The following LAMA2 variants were observed in gnomAD, a reference collection of about 807,000 sequenced individuals.
LAMA2 encodes laminin subunit alpha 2, also known as laminin subunit alpha-2.
Under a neutral mutation model 364.8 loss-of-function variants are expected in LAMA2, and 269 were observed. The observed-to-expected ratio is 0.74, with a 90% CI of 0.67 to 0.82. The LOEUF (loss-of-function observed/expected upper bound fraction) is 0.82. Among genes scored for constraint, LAMA2 ranks in the 40% least tolerant of loss-of-function variants. LAMA2 has a pLI of 0.00. For missense variants in LAMA2, 3,807 were observed against 3,873.2 expected, an observed-to-expected ratio of 0.98 and a Z score of 0.45; for synonymous variants, 1,379 against 1,370.6, an observed-to-expected ratio of 1.01 and a Z score of -0.14.
rs1233307191 is a variant in LAMA2, at chr6:129,312,855, C to G, written c.3175-6C>G. On this transcript the variant is annotated splice_polypyrimidine_tract_variant and splice_region_variant and intron_variant, in intron 22 of 64. Coordinates refer to ENST00000421865, the MANE Select transcript of LAMA2 (RefSeq NM_000426.4). ...TTAATGGTTGCTGTTTTTATCTCCT[C>G]TATAGGCTTGTAACTGCAGCACAGT... The G allele has an allele frequency of 6.2e-7, 1 of 1,605,308 alleles. No individual in the cohort carries two copies. Among genetic ancestry groups the G allele is most frequent in the East Asian group, 2.2e-5 (1 of 44,856 alleles).
chr6:129,499,832 C>G (rs989126252), intron 58 of LAMA2, among the ~76,000 whole-genome samples: 1 of 152,172 alleles, frequency 6.6e-6, no homozygotes, highest in African/African-American at 2.4e-5. Flanking sequence ...ATTCTCCTGC[C>G]TTGGCCTCCC....
intron 12 of LAMA2, among the ~76,000 whole-genome samples, chr6:129,238,000 A>T (rs1785112625): frequency 8.9e-6 from 1 of 112,540 alleles, no homozygotes; most frequent in Non-Finnish European, 2.0e-5. Context: ...TTTACTAAAA[A>T]TACAAAAAAA....
At chr6:129,503,826 G>C (rs1785837879) in intron 60 of LAMA2, among the ~76,000 whole-genome samples, 1 of 152,096 alleles carries the variant, frequency 6.6e-6, no homozygotes, top group African/African-American at 2.4e-5. Context: ...TGTTTAAAGG[G>C]CTCTAAGGTA....
At chr6:128,900,036 C>T (rs1476991946) in intron 1 of LAMA2, among the ~76,000 whole-genome samples, 1 of 152,128 alleles carries the variant, frequency 6.6e-6, no homozygotes, top group Non-Finnish European at 1.5e-5. Flanking sequence ...CAAAGTCCTT[C>T]CTATTTCAGG....
intron 46 of LAMA2, 104 bp from the exon 47 acceptor site, chr6:129,454,051 T>A: frequency 1.2e-6 from 1 of 829,590 alleles, no homozygotes. Context: ...TCCTAATCAT[T>A]TCACATGTCT....
At chr6:129,100,424 A>G (rs1316463968) in intron 4 of LAMA2, among the ~76,000 whole-genome samples, 1 of 152,218 alleles carries the variant, frequency 6.6e-6, no homozygotes, top group Non-Finnish European at 1.5e-5. Context: ...CCATAGAATG[A>G]TAAGACTGAA....
At chr6:129,244,993 A>C (rs1246050911) in intron 12 of LAMA2, among the ~76,000 whole-genome samples, 3 of 152,160 alleles carry the variant, frequency 2.0e-5, no homozygotes, top group Non-Finnish European at 2.9e-5. Context: ...GGAAACAGCT[A>C]CTTGTGTTCT....
chr6:129,076,528 A>G lies in LAMA2; in HGVS notation c.396+16632A>G, dbSNP rs866495987. 1.3e-3 allele frequency among the ~76,000 whole-genome samples: 186 copies of G among 145,484 alleles called. 3 individuals are homozygous for G. The highest frequency in any genetic ancestry group is 3.6e-3 in the Middle Eastern group (1 of 276). Reference sequence around the variant, plus strand: ...ATATATATATAATATATATAAAATTAGAGAATCTTTAATAAGAGGTGAATG... The same window carrying G: ...ATATATATATAATATATATAAAATTGGAGAATCTTTAATAAGAGGTGAATG... On this transcript the variant is annotated intron_variant, in intron 3 of 64. Transcript: ENST00000421865.
At chr6:129,067,739 G>A (rs752863638) in intron 3 of LAMA2, among the ~76,000 whole-genome samples, 7 of 152,138 alleles carry the variant, frequency 4.6e-5, no homozygotes, top group South Asian at 4.2e-4. Flanking sequence ...TGGTCATCCC[G>A]CTATGTCTTG....
chr6:129,479,710 T>C (rs942156791), intron 54 of LAMA2: 2 of 152,116 alleles, frequency 1.3e-5, no homozygotes, highest in Non-Finnish European at 2.9e-5. Context: ...TCCAATAGAA[T>C]TAGGGAAATG....
intron 31 of LAMA2, among the ~76,000 whole-genome samples, chr6:129,350,906 A>G (rs558306711): frequency 4.1e-4 from 63 of 152,354 alleles, no homozygotes; most frequent in Admixed American, 3.5e-3. Context: ...ATATTTGCAT[A>G]TATATAAAAC....
At chr6:129,155,582 A>G (rs1343402849) in intron 8 of LAMA2, among the ~76,000 whole-genome samples, 1 of 152,120 alleles carries the variant, frequency 6.6e-6, no homozygotes, top group East Asian at 1.9e-4. Context: ...GCTATTACCC[A>G]TATCAAGTAA....
chr6:128,957,836 A>ATTTTTT (rs10652900), intron 1 of LAMA2, among the ~76,000 whole-genome samples: 17 of 51,264 alleles, frequency 3.3e-4, no homozygotes, highest in African/African-American at 5.5e-4. Context: ...TACTTCATGC[A>ATTTTTT]TTTTTTTTTT....
intron 30 of LAMA2, among the ~76,000 whole-genome samples, chr6:129,348,702 G>A (rs1015682137): frequency 2.0e-5 from 3 of 152,058 alleles, no homozygotes; most frequent in Non-Finnish European, 4.4e-5. Flanking sequence ...CATAGAAAAA[G>A]CTTTCCCTTT....
chr6:129,305,031 A>G (rs74317209), intron 22 of LAMA2, among the ~76,000 whole-genome samples: 15,220 of 152,130 alleles, frequency 0.1, 855 homozygotes, highest in Admixed American at 0.15. Flanking sequence ...AGAGTGTTGG[A>G]CTATAACTTT....
intron 4 of LAMA2, among the ~76,000 whole-genome samples, chr6:129,140,928 C>T (rs116176293): frequency 0.011 from 1,663 of 152,108 alleles, 30 homozygotes; most frequent in African/African-American, 0.034. Context: ...AGCTATCACA[C>T]GGTTTATTAA....
rs369558532 is a variant in LAMA2 at position 129,475,381 on chromosome 6, G to C, written c.7440-9G>C. Reference sequence around the variant, plus strand: ...TTTTGTTTTTTTTTTCCTCTTTCCCGTTATCTAGTATGAAAGCAAGGTAAA... The same window carrying C: ...TTTTGTTTTTTTTTTCCTCTTTCCCCTTATCTAGTATGAAAGCAAGGTAAA... On this transcript the variant is annotated splice_polypyrimidine_tract_variant and intron_variant, in intron 52 of 64. Coordinates refer to ENST00000421865, the MANE Select transcript of LAMA2 (RefSeq NM_000426.4). 1 of 1,488,762 alleles carries C rather than the reference G, an allele frequency of 6.7e-7. No individual in the cohort carries two copies. The highest frequency in any genetic ancestry group is 1.4e-5 in the African/African-American group (1 of 69,116). 92.2% of individuals were successfully genotyped at this position (1,488,762 alleles called of 1,614,324 possible).
chr6:129,297,967 C>T (rs548507905), intron 21 of LAMA2, 102 bp downstream of exon 21: 53 of 908,700 alleles, frequency 5.8e-5, no homozygotes, highest in African/African-American at 4.5e-4. Context: ...ATTGATACAA[C>T]GTATTTAACA....
At chr6:128,910,320 G>A (rs1777820006) in intron 1 of LAMA2, among the ~76,000 whole-genome samples, 1 of 152,160 alleles carries the variant, frequency 6.6e-6, no homozygotes, top group South Asian at 2.1e-4. Flanking sequence ...ATATTTCTTG[G>A]AGGCTTTGCT....
Sources: gnomAD v4.1 joint callset for allele counts (sites outside exome capture counted in the v4.1 genomes callset) on GRCh38, gnomAD v4.1.1 for gene constraint, MANE v1.5 for transcripts, NCBI Gene and HGNC (gene_info 2026-07-23, HGNC 2026-07-21) for gene names.